The following HSPG2 variants were observed in gnomAD, a reference collection of about 807,000 sequenced individuals.
HSPG2 encodes heparan sulfate proteoglycan 2.
HSPG2 carries 278 observed loss-of-function variants against 526.6 expected under a neutral mutation model. The ratio of observed to expected loss-of-function variants is 0.53; its 90% CI spans 0.48 to 0.58. The LOEUF (loss-of-function observed/expected upper bound fraction) is 0.58, where lower values mean the gene tolerates loss of function less well. HSPG2 is among the 20% of genes least tolerant of loss of function. The pLI is 0.00. For synonymous variants in HSPG2, 2,465 were observed against 2,555.4 expected (o/e 0.96, Z 1.07); for missense variants, 5,354 against 6,099.5 (o/e 0.88, Z 4.07).
intron 65 of HSPG2, 28 bp from the exon 66 acceptor site, chr1:21,843,466 G>A (rs1415358876): frequency 6.3e-7 from 1 of 1,598,268 alleles, no homozygotes; most frequent in Admixed American, 1.7e-5. Flanking sequence ...AGAGCGGGGA[G>A]GGTGAGCTGG....
At position 21,872,741 on chromosome 1, in the gene HSPG2, G is replaced by A; in HGVS notation, c.3908C>T (p.Thr1303Ile). 6.2e-7 allele frequency: 1 copy of A among 1,609,472 alleles called. No homozygotes were observed. Among genetic ancestry groups the A allele is most frequent in the South Asian group, 1.1e-5 (1 of 89,996 alleles). The change falls in exon 32 of 97, where the codon ACT becomes ATT. Residue 1303 changes from threonine (T) to isoleucine (I), a missense_variant. Thr to Ile is a moderately conservative substitution (Grantham distance 89). Transcript: ENST00000374695. The surrounding 1 kb of genome is among the most constrained non-coding windows in gnomAD (Gnocchi z 5.5). The stretch of plus-strand genomic sequence containing the variant: ...GTGGTGGGGCCGGCAGTGGCTGCAA[G>A]TGAGGCCTTCCACCTGGGCCTGGGT... ...CQCKAQVEGL[T>I]CSHCRPHHFH...
chr1:21,831,894 G>T, intron 81 of HSPG2, 98 bp from the exon 82 acceptor site: 1 of 1,298,436 alleles, frequency 7.7e-7, no homozygotes, highest in Non-Finnish European at 1.1e-6. Context: ...GAGGAGGGAT[G>T]TCACCACTTC....
In HSPG2 at chr1:21,872,424, CT is replaced by C; in HGVS notation, c.4030-48del. On this transcript the variant is annotated intron_variant, in intron 32 of 96. Coordinates refer to ENST00000374695, the MANE Select transcript of HSPG2 (RefSeq NM_005529.7). The surrounding 1 kb of genome is among the most constrained non-coding windows in gnomAD (Gnocchi z 5.5). ...GGCGTCAGCCTGAGCACCGGGGTGC[CT>C]TGGTGGGGGATGGGGCACGGGAGGG... 7.9e-6 allele frequency: 12 copies of C among 1,516,520 alleles called. No homozygotes were observed. The highest frequency in any genetic ancestry group is 1.1e-5 in the Non-Finnish European group (12 of 1,120,866). The allele number at this position is 1,516,520 out of a possible 1,614,324, so 93.9% of individuals were successfully genotyped here. A position where few individuals can be genotyped will look rare whatever the true frequency, so the allele number is the denominator to read the frequency against.
Position 21,874,938 on chromosome 1 carries a change from C to T in HSPG2, c.3367G>A (p.Val1123Met), listed in dbSNP as rs1329096308. ...EETGQDPALE[V>M]EQCSCPPGYR... ...CCGGGTGGGCAGGAGCACTGTTCCA[C>T]TTCCAGCGCGGGGTCCTGGCCGGTT... Residue 1123 changes from valine to methionine, a missense_variant, in exon 26 of 97, where the codon GTG (valine) becomes ATG (methionine). Coordinates refer to ENST00000374695, the MANE Select transcript of HSPG2 (RefSeq NM_005529.7). 2.5e-6 allele frequency: 4 copies of T among 1,612,988 alleles called. No individual in the cohort carries two copies. The highest frequency in any genetic ancestry group is 2.2e-5 in the South Asian group (2 of 90,796).
intron 1 of HSPG2, among the ~76,000 whole-genome samples, chr1:21,899,891 A>G (rs1400377268): frequency 2.0e-5 from 3 of 152,232 alleles, no homozygotes; most frequent in African/African-American, 7.2e-5. Context: ...ATGAGGCCTA[A>G]GCAGAGAGCA....
chr1:21,860,258 G>A, intron 39 of HSPG2, 23 bp from the exon 40 acceptor site: 1 of 1,607,928 alleles, frequency 6.2e-7, no homozygotes, highest in Admixed American at 1.7e-5. Flanking sequence ...ACAAGGGCCG[G>A]CAATGTCAGG....
intron 74 of HSPG2, among the ~76,000 whole-genome samples, chr1:21,837,477 C>T (rs7515259): frequency 0.1 from 15,117 of 149,786 alleles, 909 homozygotes; most frequent in African/African-American, 0.17. Context: ...TTAGTAGAGA[C>T]GGGGTTTCAC....
chr1:21,827,481 ACATTCAATCAG>A (rs2097981472), intron 91 of HSPG2, among the ~76,000 whole-genome samples: 1 of 152,228 alleles, frequency 6.6e-6, no homozygotes, highest in Non-Finnish European at 1.5e-5. Flanking sequence ...GTGTCCGTAA[ACATTCAATCAG>A]CATTCACTCT....
intron 1 of HSPG2, among the ~76,000 whole-genome samples, chr1:21,935,282 G>A (rs1168435022): frequency 1.3e-5 from 2 of 152,218 alleles, no homozygotes; most frequent in Admixed American, 1.3e-4. Context: ...AGCAGCCTGG[G>A]GTGGGACAGC....
intron 91 of HSPG2, 138 bp downstream of exon 91, chr1:21,827,725 G>T: frequency 1.0e-6 from 1 of 971,042 alleles, no homozygotes; most frequent in Middle Eastern, 3.0e-4. Context: ...CCACATGGCT[G>T]TGGTCTTCAT....
chr1:21,934,672 T>C (rs1380861674), intron 1 of HSPG2, among the ~76,000 whole-genome samples: 3 of 151,824 alleles, frequency 2.0e-5, no homozygotes, highest in Admixed American at 2.0e-4. Context: ...CTCGGCTCAC[T>C]GCAAGCTCCG....
Position 21,874,657 on chromosome 1 carries a change from C to T in HSPG2, c.3487G>A (p.Gly1163Ser). Residue 1163 changes from glycine (G) to serine (S), a missense_variant, in exon 27 of 97, where the codon GGC becomes AGC. By Grantham distance (56) the Gly-to-Ser change is moderately conservative. Transcript: ENST00000374695. ...LGTCERCSCH[G>S]HSEACEPETG... ...TCTGGCTCGCAGGCCTCTGAGTGGCCATGGCAGCTGCAGCGTTCACAGGTA... is the reference window on the plus strand; with the variant it reads ...TCTGGCTCGCAGGCCTCTGAGTGGCTATGGCAGCTGCAGCGTTCACAGGTA... 1 of 1,613,328 alleles carries T rather than the reference C, an allele frequency of 6.2e-7. No individual in the cohort carries two copies. The highest frequency in any genetic ancestry group is 8.5e-7 in the Non-Finnish European group (1 of 1,179,668).
chr1:21,833,372 G>T lies in HSPG2; in HGVS notation c.10991C>A (p.Pro3664His). ...GGAGTAGGGGGTCTGCGTGAAGTAGGGCACCACCCGCTCTGCCAGCAGAGA... is the reference window on the plus strand; with the variant it reads ...GGAGTAGGGGGTCTGCGTGAAGTAGTGCACCACCCGCTCTGCCAGCAGAGA... ...AHLQVPERVV[P>H]YFTQTPYSFL... The change falls in exon 80 of 97, where the codon CCC becomes CAC. Residue 3664 changes from proline to histidine, a missense_variant. Physicochemically the swap from Pro to His is moderately conservative, Grantham distance 77 (BLOSUM62 -2). Coordinates refer to ENST00000374695, the MANE Select transcript of HSPG2 (RefSeq NM_005529.7). 1 of 1,614,154 alleles carries T rather than the reference G, an allele frequency of 6.2e-7. No homozygotes were observed. The highest frequency in any genetic ancestry group is 8.5e-7 in the Non-Finnish European group (1 of 1,180,012).
At chr1:21,853,579 TA>T (rs933713387) in intron 50 of HSPG2, 37 of 167,148 alleles carry the variant, frequency 2.2e-4, no homozygotes, top group South Asian at 9.4e-4. Flanking sequence ...CCGTCTCTAC[TA>T]AAAAAAATAC....
At chr1:21,929,094 T>C (rs1044780378) in intron 1 of HSPG2, among the ~76,000 whole-genome samples, 3 of 152,198 alleles carry the variant, frequency 2.0e-5, no homozygotes, top group African/African-American at 7.2e-5. Context: ...ACCTACTATC[T>C]GCCTAGCACC....
chr1:21,834,109 C>A (rs1385990069), intron 77 of HSPG2, among the ~76,000 whole-genome samples, 184 bp from the exon 78 acceptor site: 1 of 152,188 alleles, frequency 6.6e-6, no homozygotes, highest in Non-Finnish European at 1.5e-5. Flanking sequence ...CGGGCAGAGT[C>A]AGGGTTCAGG....
chr1:21,870,821 G>A (rs1640586580), intron 33 of HSPG2: 6 of 986,100 alleles, frequency 6.1e-6, no homozygotes, highest in African/African-American at 3.5e-5. Context: ...CACCACGCAC[G>A]TCCTGGGCCT....
Position 21,859,668 on chromosome 1 carries a change from G to A in HSPG2, c.5191C>T (p.Leu1731Phe), listed in dbSNP as rs201491948. The A allele has an allele frequency of 1.6e-4, 257 of 1,607,728 alleles. 1 individual carries two copies. The highest frequency in any genetic ancestry group is 6.8e-4 in the South Asian group (61 of 89,690). ...GTQQRHQGSELHFPSVQPSDA... is the reference protein window; with the variant it reads ...GTQQRHQGSEFHFPSVQPSDA... ...GAGGGCTGGACGCTGGGGAAGTGGA[G>A]CTCGGAGCCTGGTGGGGAGGAGACA... is the stretch of plus-strand genomic sequence containing the variant. Residue 1731 changes from leucine to phenylalanine, a missense_variant, in exon 42 of 97, where the codon CTC (leucine) becomes TTC (phenylalanine). Coordinates refer to ENST00000374695, the MANE Select transcript of HSPG2 (RefSeq NM_005529.7). The surrounding 1 kb of genome is among the most constrained non-coding windows in gnomAD (Gnocchi z 5.3).
At chr1:21,854,101 C>G in intron 50 of HSPG2, 92 bp downstream of exon 50, 1 of 1,363,408 alleles carries the variant, frequency 7.3e-7, no homozygotes. Flanking sequence ...CCTGGAATGC[C>G]CCCCTGTCCT....
Sources: allele counts gnomAD v4.1 joint callset (sites outside exome capture counted in the v4.1 genomes callset), GRCh38; gene constraint gnomAD v4.1.1; non-coding constraint Gnocchi (gnomAD v3.1); transcripts MANE v1.5; gene names NCBI Gene and HGNC (gene_info 2026-07-23, HGNC 2026-07-21).